CCDC93: variants seen among roughly 807,000 people sequenced by gnomAD.
CCDC93 encodes CCC complex scaffolding subunit CCDC93.
CCDC93 carries 61 observed loss-of-function variants against 108.2 expected under a neutral mutation model. That is an observed-to-expected ratio of 0.56 (90% CI 0.46 to 0.70). The LOEUF is 0.70. Ranked by LOEUF, CCDC93 falls within the 30% of genes least tolerant of loss-of-function variation. The pLI is 0.00. For synonymous variants in CCDC93, 276 were observed against 260.4 expected, an observed-to-expected ratio of 1.06 and a Z score of -0.58; for missense variants, 685 against 764.2, an observed-to-expected ratio of 0.90 and a Z score of 1.22.
chr2:117,933,088 TA>T (rs1678398992), intron 22 of CCDC93, among the ~76,000 whole-genome samples: 1 of 152,214 alleles, frequency 6.6e-6, no homozygotes, highest in African/African-American at 2.4e-5. Context: ...GTTCAAATCC[TA>T]GTTCTGCCAC....
chr2:117,968,845 T>C (rs939037544), intron 11 of CCDC93, among the ~76,000 whole-genome samples: 147 of 152,296 alleles, frequency 9.7e-4, no homozygotes, highest in Non-Finnish European at 1.9e-3. Flanking sequence ...TCTCAGATAC[T>C]ACCAACAGCT....
intron 18 of CCDC93, 113 bp downstream of exon 18, chr2:117,943,911 C>A: frequency 1.6e-6 from 1 of 639,770 alleles, no homozygotes; most frequent in South Asian, 2.5e-5. Context: ...GGAACAGCAG[C>A]CTCATTACTT....
intron 13 of CCDC93, chr2:117,951,073 T>C (rs1679039914): frequency 1.2e-6 from 1 of 831,778 alleles, no homozygotes; most frequent in Non-Finnish European, 1.3e-6. Context: ...AAAGCTCCTT[T>C]ATAAGTCACT....
intron 11 of CCDC93, among the ~76,000 whole-genome samples, chr2:117,973,414 G>GA (rs11387750): frequency 0.73 from 103,069 of 142,162 alleles, 37,251 homozygotes; most frequent in East Asian, 0.8. Context: ...TCTTAGGATG[G>GA]AAAAAAAAAA....
At chr2:117,969,334 A>G (rs989041913) in intron 11 of CCDC93, among the ~76,000 whole-genome samples, 2 of 152,204 alleles carry the variant, frequency 1.3e-5, no homozygotes, top group Admixed American at 1.3e-4. Context: ...AATGCTGCCA[A>G]CAACCATGTA....
At chr2:117,967,622 T>C (rs971616088) in intron 11 of CCDC93, among the ~76,000 whole-genome samples, 11 of 152,244 alleles carry the variant, frequency 7.2e-5, no homozygotes, top group Middle Eastern at 3.4e-3. Context: ...AAGCTCCACC[T>C]AGCCAAGGAG....
chr2:117,991,164 T>C (rs1200431089), intron 6 of CCDC93, among the ~76,000 whole-genome samples: 1 of 152,168 alleles, frequency 6.6e-6, no homozygotes, highest in Non-Finnish European at 1.5e-5. Context: ...TAAAAGCCTG[T>C]TGGTTGAGAC....
At chr2:117,924,157 G>A (rs1428089201) in intron 23 of CCDC93, among the ~76,000 whole-genome samples, 1 of 152,182 alleles carries the variant, frequency 6.6e-6, no homozygotes, top group African/African-American at 2.4e-5. Flanking sequence ...ACCAAAGGTA[G>A]ATAAAACCAC....
chr2:117,923,798 G>T (rs1352808041), intron 23 of CCDC93, among the ~76,000 whole-genome samples: 1 of 151,292 alleles, frequency 6.6e-6, no homozygotes, highest in Admixed American at 6.6e-5. Context: ...CTCCCAGCAC[G>T]CAGCTGGAGA....
intron 11 of CCDC93, among the ~76,000 whole-genome samples, chr2:117,970,168 G>C (rs1679717275): frequency 6.6e-6 from 1 of 152,060 alleles, no homozygotes; most frequent in South Asian, 2.1e-4. Flanking sequence ...GCATAAAATA[G>C]AAGTATAAAC....
Position 117,917,505 on chromosome 2 carries a change from A to G in CCDC93, c.*2838T>C, listed in dbSNP as rs1208815015. ...GGCAGGACCCAGCTATCCTGAAAAT[A>G]TTAAGGGCTACGAGCTAGAACCATT... On this transcript the variant is annotated 3_prime_UTR_variant, in exon 24 of 24. Transcript: ENST00000376300. The G allele has an allele frequency of 6.6e-6, 1 of 152,646 alleles. No individual in the cohort carries two copies. The highest frequency in any genetic ancestry group is 1.5e-5 in the Non-Finnish European group (1 of 68,060). The allele number at this position is 152,646 out of a possible 1,614,324, so 9.5% of individuals were successfully genotyped here. A position where few individuals can be genotyped will look rare whatever the true frequency, so the allele number is the denominator to read the frequency against.
chr2:117,929,763 G>C (rs1269126326), intron 23 of CCDC93, among the ~76,000 whole-genome samples: 1 of 152,154 alleles, frequency 6.6e-6, no homozygotes, highest in Non-Finnish European at 1.5e-5. Context: ...TAGCCTCAAA[G>C]GAGTCCCAGA....
chr2:117,920,221 G>C lies in CCDC93; in HGVS notation c.*122C>G, dbSNP rs1198731018. On this transcript the variant is annotated 3_prime_UTR_variant, in exon 24 of 24. Transcript: ENST00000376300. ...CAAAGAGGAGAAAGAAAACATCCAG[G>C]TTGTTGAAATCATCACAACTGCATC... 1 of 601,082 alleles carries C rather than the reference G, an allele frequency of 1.7e-6. No individual in the cohort carries two copies. The highest frequency in any genetic ancestry group is 2.4e-5 in the South Asian group (1 of 41,266). The allele number at this position is 601,082 out of a possible 1,614,324, so 37.2% of individuals were successfully genotyped here.
chr2:117,927,806 A>G (rs548281396), intron 23 of CCDC93, among the ~76,000 whole-genome samples: 1 of 152,338 alleles, frequency 6.6e-6, no homozygotes, highest in South Asian at 2.1e-4. Flanking sequence ...TGCCAAGTCA[A>G]TCCTAAGCCA....
rs1679897950 is a variant in CCDC93, at chr2:117,975,185, C to T, written c.750+3G>A. On this transcript the variant is annotated splice_donor_region_variant and intron_variant, in intron 9 of 23. Transcript: ENST00000376300. The stretch of plus-strand genomic sequence containing the variant: ...CCTCAGAGGGCCTACATGGACCACA[C>T]ACCTCTTCAGCTGCTCGAAGCTCAT... 1.2e-6 allele frequency: 2 copies of T among 1,612,422 alleles called. No homozygotes were observed. Among genetic ancestry groups the T allele is most frequent in the Middle Eastern group, 1.6e-4 (1 of 6,078 alleles).
intron 1 of CCDC93, 113 bp from the exon 2 acceptor site, chr2:118,008,771 A>T: frequency 1.5e-6 from 1 of 663,296 alleles, no homozygotes; most frequent in Non-Finnish European, 2.7e-6. Flanking sequence ...CATTGGCTAC[A>T]TCACCACAAT....
At chr2:117,963,223 C>G (rs1679450941) in intron 11 of CCDC93, among the ~76,000 whole-genome samples, 1 of 152,214 alleles carries the variant, frequency 6.6e-6, no homozygotes, top group Admixed American at 6.5e-5. Context: ...AGAACTGCAT[C>G]TGTAAAGACT....
chr2:117,975,694 C>T (rs1679922119), intron 8 of CCDC93, among the ~76,000 whole-genome samples: 1 of 152,228 alleles, frequency 6.6e-6, no homozygotes, highest in South Asian at 2.1e-4. Flanking sequence ...TATAAATTAA[C>T]ACAACAGAAC....
At chr2:117,940,866 A>G (rs1350132623) in intron 19 of CCDC93, among the ~76,000 whole-genome samples, 1 of 152,232 alleles carries the variant, frequency 6.6e-6, no homozygotes, top group Non-Finnish European at 1.5e-5. Context: ...ATCTCTAGAC[A>G]CCAGGGTCAC....
Sources: allele counts gnomAD v4.1 joint callset (sites outside exome capture counted in the v4.1 genomes callset), GRCh38; gene constraint gnomAD v4.1.1; transcripts MANE v1.5; gene names NCBI Gene and HGNC (gene_info 2026-07-23, HGNC 2026-07-21).